DENND1B: variants seen among roughly 807,000 people sequenced by gnomAD.
DENND1B encodes DENN domain containing 1B.
A neutral mutation model predicts 90.1 loss-of-function variants in DENND1B; 59 were observed. The observed-to-expected ratio is 0.65, with a 90% CI of 0.53 to 0.81. The LOEUF is 0.81. Ranked by LOEUF, DENND1B falls within the 40% of genes least tolerant of loss-of-function variation. The pLI, the probability that DENND1B is intolerant of heterozygous loss-of-function variation, is 0.00. For missense variants in DENND1B, 862 were observed against 912.6 expected (o/e 0.94, Z 0.71); for synonymous variants, 337 against 324.6 (o/e 1.04, Z -0.41).
intron 20 of DENND1B, among the ~76,000 whole-genome samples, chr1:197,536,549 T>C (rs1669919703): frequency 6.6e-6 from 1 of 152,064 alleles, no homozygotes; most frequent in South Asian, 2.1e-4. Context: ...TCTGGAAGCC[T>C]TGGGAAAAAA....
intron 10 of DENND1B, among the ~76,000 whole-genome samples, chr1:197,637,754 T>C (rs1482794962): frequency 6.6e-6 from 1 of 152,168 alleles, no homozygotes; most frequent in Non-Finnish European, 1.5e-5. Context: ...GAATTAAAAA[T>C]CTAAAAATTG....
chr1:197,598,352 T>C (rs1675896868), intron 13 of DENND1B, among the ~76,000 whole-genome samples: 1 of 151,758 alleles, frequency 6.6e-6, no homozygotes, highest in Non-Finnish European at 1.5e-5. Context: ...AAACAATTGT[T>C]TTTTAAAAAT....
chr1:197,505,901 T>C lies in DENND1B; in HGVS notation c.*4559A>G, dbSNP rs1212379845. Reference sequence around the variant, plus strand: ...GAATCAGCAATTTGTACCGTATATATTTCTTTTAAAGTAACAGTATTGTCA... The same window carrying C: ...GAATCAGCAATTTGTACCGTATATACTTCTTTTAAAGTAACAGTATTGTCA... On this transcript the variant is annotated 3_prime_UTR_variant, in exon 23 of 23. Coordinates refer to ENST00000620048, the MANE Select transcript of DENND1B (RefSeq NM_001195215.2). The C allele has an allele frequency of 7.8e-6, 1 of 128,334 alleles. No homozygotes were observed. The highest frequency in any genetic ancestry group is 1.7e-5 in the Non-Finnish European group (1 of 59,352). The allele number at this position is 128,334 out of a possible 1,614,324, so 7.9% of individuals were successfully genotyped here.
chr1:197,623,784 A>G (rs1678391027), intron 10 of DENND1B, among the ~76,000 whole-genome samples: 1 of 151,474 alleles, frequency 6.6e-6, no homozygotes, highest in South Asian at 2.1e-4. Context: ...CAGAGTTCAC[A>G]CTCTAGGATA....
chr1:197,723,498 T>C (rs142393015), intron 2 of DENND1B, among the ~76,000 whole-genome samples: 2 of 152,192 alleles, frequency 1.3e-5, no homozygotes, highest in African/African-American at 2.4e-5. Context: ...ATGTTCAATC[T>C]TGATTAATCT....
chr1:197,647,106 C>T lies in DENND1B; in HGVS notation c.456G>A (p.Glu152=). Residue 152 remains glutamate (E), a synonymous_variant, in exon 8 of 23, where the codon GAG becomes GAA. Transcript: ENST00000620048. The part of the protein sequence containing the change: ...NTPVNLSVNQ[E]IFIACEQVLK... The stretch of plus-strand genomic sequence containing the variant: ...GAACTTGCTCACAGGCAATAAATAT[C>T]TCTTGGTTCTTATAATACATGAGAG... 1 of 1,459,768 alleles carries T rather than the reference C, an allele frequency of 6.9e-7. No homozygotes were observed. The highest frequency in any genetic ancestry group is 2.9e-5 in the East Asian group (1 of 34,402). The allele number at this position is 1,459,768 out of a possible 1,614,324, so 90.4% of individuals were successfully genotyped here. A position where few individuals can be genotyped will look rare whatever the true frequency, so the allele number is the denominator to read the frequency against.
chr1:197,781,074 G>C, the DENND1B span, among the ~76,000 whole-genome samples: 109 of 152,230 alleles, frequency 7.2e-4, no homozygotes, highest in African/African-American at 2.6e-3. Context: ...TACTAAAGTT[G>C]ACAGCTCCTT....
chr1:197,649,236 C>T (rs1652834130), intron 7 of DENND1B, among the ~76,000 whole-genome samples: 1 of 152,100 alleles, frequency 6.6e-6, no homozygotes, highest in Non-Finnish European at 1.5e-5. Context: ...AATGGATGGT[C>T]CTGAAAGCCT....
At chr1:197,523,874 A>C (rs1036506682) in intron 20 of DENND1B, among the ~76,000 whole-genome samples, 30 of 152,144 alleles carry the variant, frequency 2.0e-4, no homozygotes, top group Non-Finnish European at 3.5e-4. Context: ...AAGAATTATA[A>C]GACATGAAAA....
chr1:197,740,642 GT>G (rs1663128831), intron 2 of DENND1B, among the ~76,000 whole-genome samples: 1 of 152,152 alleles, frequency 6.6e-6, no homozygotes, highest in Non-Finnish European at 1.5e-5. Context: ...ATGACAGAAT[GT>G]TTAAATTACA....
rs561766438 is a variant in DENND1B at position 197,658,217 on chromosome 1, A to G, written c.366+83T>C. 10 of 1,103,826 alleles carry G rather than the reference A, an allele frequency of 9.1e-6. No individual in the cohort carries two copies. In the East Asian group the frequency reaches 1.2e-4, roughly 13 times the overall value. The allele number at this position is 1,103,826 out of a possible 1,614,324, so 68.4% of individuals were successfully genotyped here. On this transcript the variant is annotated intron_variant, in intron 6 of 22. Coordinates refer to ENST00000620048, the MANE Select transcript of DENND1B (RefSeq NM_001195215.2). ...TTAATGTACTTAATGTCACAAAACT[A>G]TACACTTAAAAATGGTTAAAATGGT...
At chr1:197,698,353 C>A (rs910632265) in intron 3 of DENND1B, among the ~76,000 whole-genome samples, 1 of 152,074 alleles carries the variant, frequency 6.6e-6, no homozygotes, top group Admixed American at 6.6e-5. Context: ...TCAAGAAGTT[C>A]TTTGAAACCA....
chr1:197,602,206 C>A (rs1047627656), intron 13 of DENND1B, among the ~76,000 whole-genome samples: 1 of 151,502 alleles, frequency 6.6e-6, no homozygotes, highest in African/African-American at 2.4e-5. Flanking sequence ...TGTAAACAGA[C>A]TTTAAAAGCA....
chr1:197,559,443 C>A (rs1037215771), intron 15 of DENND1B, among the ~76,000 whole-genome samples: 1 of 151,434 alleles, frequency 6.6e-6, no homozygotes, highest in Non-Finnish European at 1.5e-5. Flanking sequence ...AGTGCTGAAG[C>A]AACACAATAA....
chr1:197,614,245 C>T (rs1677439231), intron 11 of DENND1B, among the ~76,000 whole-genome samples: 1 of 150,984 alleles, frequency 6.6e-6, no homozygotes, highest in Admixed American at 6.6e-5. Flanking sequence ...GTTATCTCCA[C>T]ATGTTCTCTT....
chr1:197,762,372 T>C (rs750590666), intron 2 of DENND1B, among the ~76,000 whole-genome samples: 1 of 152,050 alleles, frequency 6.6e-6, no homozygotes, highest in Non-Finnish European at 1.5e-5. Context: ...GTTCACGCCA[T>C]CCTCCTGCCT....
intron 3 of DENND1B, among the ~76,000 whole-genome samples, chr1:197,679,488 A>G (rs1341015153): frequency 6.6e-6 from 1 of 151,844 alleles, no homozygotes; most frequent in Non-Finnish European, 1.5e-5. Context: ...GCATAGTTAC[A>G]TGCAAAACAG....
intron 3 of DENND1B, among the ~76,000 whole-genome samples, chr1:197,714,685 G>C (rs897219620): frequency 7.2e-5 from 11 of 152,058 alleles, no homozygotes; most frequent in African/African-American, 2.4e-4. Flanking sequence ...AAGAATAAGA[G>C]TATATTTAAC....
chr1:197,682,079 G>A (rs927139369), intron 3 of DENND1B, among the ~76,000 whole-genome samples: 62 of 151,520 alleles, frequency 4.1e-4, no homozygotes, highest in African/African-American at 1.5e-3. Flanking sequence ...GACTCTTGTG[G>A]TTTATCTAGT....
Sources: allele counts gnomAD v4.1 joint callset (sites outside exome capture counted in the v4.1 genomes callset), GRCh38; gene constraint gnomAD v4.1.1; transcripts MANE v1.5; gene names NCBI Gene and HGNC (gene_info 2026-07-23, HGNC 2026-07-21).